The following USP48 variants were observed in gnomAD, a reference collection of about 807,000 sequenced individuals.
USP48 encodes ubiquitin specific peptidase 48.
A neutral mutation model predicts 150.7 loss-of-function variants in USP48; 43 were observed. That is an observed-to-expected ratio of 0.29 (90% CI 0.22 to 0.37). USP48 has a LOEUF of 0.37. USP48 is among the 10% of genes least tolerant of loss of function. The pLI is 1.00. For synonymous variants in USP48, 396 were observed against 425.9 expected, an observed-to-expected ratio of 0.93 and a Z score of 0.86; for missense variants, 813 against 1,249.6, an observed-to-expected ratio of 0.65 and a Z score of 5.27.
In USP48 at chr1:21,728,738, CA is replaced by C. The variant is rs1557512405; in HGVS notation, c.1301-20del. ...AGAAAGGCTATTCAAAACAGAAAGACAAAAAACAACTTTATTCTTGTTTTCA... is the reference window on the plus strand; with the variant it reads ...AGAAAGGCTATTCAAAACAGAAAGACAAAAACAACTTTATTCTTGTTTTCA... On this transcript the variant is annotated intron_variant, in intron 10 of 26. Transcript: ENST00000308271. 1.6e-5 allele frequency: 26 copies of C among 1,608,982 alleles called. No individual in the cohort carries two copies. Among genetic ancestry groups the C allele is most frequent in the Non-Finnish European group, 2.2e-5 (26 of 1,178,498 alleles).
intron 25 of USP48, among the ~76,000 whole-genome samples, chr1:21,681,551 C>T (rs919338315): frequency 4.6e-5 from 7 of 152,108 alleles, no homozygotes; most frequent in Non-Finnish European, 8.8e-5. Flanking sequence ...AGTGGGCCAT[C>T]GTGCCTGGCC....
intron 1 of USP48, among the ~76,000 whole-genome samples, chr1:21,774,333 C>G (rs74577614): frequency 0.014 from 2,108 of 151,990 alleles, 23 homozygotes; most frequent in Non-Finnish European, 0.023. Context: ...ATTACAGTTA[C>G]CATTTTACTA....
At chr1:21,771,170 T>A (rs576943844) in intron 1 of USP48, among the ~76,000 whole-genome samples, 1 of 151,792 alleles carries the variant, frequency 6.6e-6, no homozygotes, top group East Asian at 1.9e-4. Context: ...ATTTTCGAAA[T>A]CAAGACCAAC....
At chr1:21,738,512 A>G (rs1169291065) in intron 8 of USP48, among the ~76,000 whole-genome samples, 1 of 150,600 alleles carries the variant, frequency 6.6e-6, no homozygotes, top group Non-Finnish European at 1.5e-5. Flanking sequence ...ACCCAACATC[A>G]TGCCTGGCTA....
At position 21,735,686 on chromosome 1, in the gene USP48, C is replaced by T. The variant is rs571511545; in HGVS notation, c.1171+760G>A. Reference sequence around the variant, plus strand: ...GGTGGATCACCTGAGGTCAGGAGTTCGAGACCAGTCTGACCAACATTGTGA... The same window carrying T: ...GGTGGATCACCTGAGGTCAGGAGTTTGAGACCAGTCTGACCAACATTGTGA... On this transcript the variant is annotated intron_variant, in intron 9 of 26. Coordinates refer to ENST00000308271, the MANE Select transcript of USP48 (RefSeq NM_032236.8). Among the ~76,000 whole-genome samples, 40 of 152,232 alleles carry T rather than the reference C, an allele frequency of 2.6e-4. No homozygotes were observed. The South Asian group carries it at 7.3e-3, about 28-fold the overall frequency.
At chr1:21,707,632 TAA>T (rs1364083867) in intron 15 of USP48, among the ~76,000 whole-genome samples, 7 of 152,212 alleles carry the variant, frequency 4.6e-5, no homozygotes, top group Admixed American at 2.0e-4. Flanking sequence ...TCCCAAGCAG[TAA>T]GTTAGTGAAC....
chr1:21,692,645 C>G (rs1468674605), intron 23 of USP48, among the ~76,000 whole-genome samples: 3 of 152,164 alleles, frequency 2.0e-5, no homozygotes, highest in South Asian at 4.1e-4. Flanking sequence ...GTGTCAAGTA[C>G]TGTTTTAGGT....
chr1:21,694,602 A>C lies in USP48; in HGVS notation c.2883+464T>G, dbSNP rs1387280768. Among the ~76,000 whole-genome samples, 3 of 76,282 alleles carry C rather than the reference A, an allele frequency of 3.9e-5. No individual in the cohort carries two copies. The South Asian group carries it at 1.3e-3, about 33-fold the overall frequency. 50.0% of individuals were successfully genotyped at this position (76,282 alleles called of 152,430 possible). A position where few individuals can be genotyped will look rare whatever the true frequency, so the allele number is the denominator to read the frequency against. ...AAAAAAAAAAAAAAAAAAAAAAAAA[A>C]AAAAACCCCCTCTATCTATCAAATA... On this transcript the variant is annotated intron_variant, in intron 23 of 26. Transcript: ENST00000308271.
chr1:21,696,712 T>C (rs1467366804), intron 22 of USP48, among the ~76,000 whole-genome samples: 5 of 152,202 alleles, frequency 3.3e-5, no homozygotes, highest in Non-Finnish European at 5.9e-5. Flanking sequence ...CTAAAGGTGC[T>C]GTAAAAAGGA....
At chr1:21,747,939 T>C (rs1442769920) in intron 7 of USP48, among the ~76,000 whole-genome samples, 199 bp downstream of exon 7, 1 of 152,256 alleles carries the variant, frequency 6.6e-6, no homozygotes, top group African/African-American at 2.4e-5. Flanking sequence ...AGTTATCATT[T>C]ATATATGGTT....
intron 22 of USP48, among the ~76,000 whole-genome samples, chr1:21,698,265 C>T (rs2097643533): frequency 2.0e-5 from 3 of 151,756 alleles, no homozygotes; most frequent in Non-Finnish European, 4.4e-5. Flanking sequence ...TGTGAGAAAG[C>T]AAAATGTAAA....
chr1:21,778,753 T>A lies in USP48; in HGVS notation c.134+4071A>T, dbSNP rs984705445. 1.4e-3 allele frequency among the ~76,000 whole-genome samples: 194 copies of A among 137,004 alleles called. 2 individuals are homozygous for A. The highest frequency in any genetic ancestry group is 4.6e-3 in the African/African-American group (178 of 39,014). The allele number at this position is 137,004 out of a possible 152,430, so 89.9% of individuals were successfully genotyped here. On this transcript the variant is annotated intron_variant, in intron 1 of 26. Transcript: ENST00000308271. ...CAAAGTGGGACTCCATTTCCACAAA[T>A]TTTTTTTTTTTTTTGGAGACGGAGT...
chr1:21,719,054 C>G (rs1261852864), intron 14 of USP48, among the ~76,000 whole-genome samples: 3 of 151,750 alleles, frequency 2.0e-5, no homozygotes, highest in African/African-American at 4.8e-5. Context: ...ATCACTTGAG[C>G]TCAGGAGTTC....
intron 3 of USP48, 105 bp from the exon 4 acceptor site, chr1:21,753,224 A>C (rs2097821341): frequency 8.6e-7 from 1 of 1,165,694 alleles, no homozygotes; most frequent in Non-Finnish European, 1.2e-6. Context: ...TCTACATCCA[A>C]ACTAGATTAA....
intron 10 of USP48, 36 bp from the exon 11 acceptor site, chr1:21,728,755 C>A (rs781692541): frequency 1.7e-5 from 27 of 1,607,688 alleles, no homozygotes; most frequent in East Asian, 2.2e-5. Context: ...CAACTTTATT[C>A]TTGTTTTCAC....
Position 21,757,634 on chromosome 1 carries a change from T to C in USP48, c.255+29A>G, listed in dbSNP as rs192079389. The C allele has an allele frequency of 3.1e-6, 5 of 1,600,000 alleles. No individual in the cohort carries two copies. The East Asian group carries it at 8.9e-5, about 29-fold the overall frequency. ...AAAAACAAAAACAAAAAACAGCATA[T>C]AGCAATCGCTTAAAAAATGATGGTT... On this transcript the variant is annotated intron_variant, in intron 2 of 26. Coordinates refer to ENST00000308271, the MANE Select transcript of USP48 (RefSeq NM_032236.8).
At chr1:21,710,547 T>C (rs1034289243) in intron 15 of USP48, among the ~76,000 whole-genome samples, 3 of 152,214 alleles carry the variant, frequency 2.0e-5, no homozygotes, top group Non-Finnish European at 4.4e-5. Flanking sequence ...ATCTGTATTA[T>C]AAAGCTTGTT....
In USP48 at chr1:21,729,813, C is replaced by CTT. The variant is rs757102300; in HGVS notation, c.1190_1191insAA (p.Thr398ArgfsTer44). 6.2e-7 allele frequency: 1 copy of CTT among 1,614,042 alleles called. No homozygotes were observed. Among genetic ancestry groups the CTT allele is most frequent in the Non-Finnish European group, 8.5e-7 (1 of 1,179,976 alleles). On this transcript the variant is annotated frameshift_variant, in exon 10 of 27. Coordinates refer to ENST00000308271, the MANE Select transcript of USP48 (RefSeq NM_032236.8). LOFTEE classifies it high-confidence loss of function. ...CTTTGCCACACTTGGGTTTACGTGTCTGAGACTTAGAAGGTTCTGCTGAGA... is the reference window on the plus strand; with the variant it reads ...CTTTGCCACACTTGGGTTTACGTGTCTTTGAGACTTAGAAGGTTCTGCTGAGA...
intron 3 of USP48, among the ~76,000 whole-genome samples, 187 bp from the exon 4 acceptor site, chr1:21,753,306 CT>C (rs1332736624): frequency 2.0e-5 from 3 of 152,116 alleles, no homozygotes; most frequent in Admixed American, 1.3e-4. Context: ...AACCCCAGCA[CT>C]TTGGGAGGCC....
Sources: gnomAD v4.1 joint callset for allele counts (sites outside exome capture counted in the v4.1 genomes callset) on GRCh38, gnomAD v4.1.1 for gene constraint, MANE v1.5 for transcripts, NCBI Gene and HGNC (gene_info 2026-07-23, HGNC 2026-07-21) for gene names.